The following AGAP3 variants were observed in gnomAD, a reference collection of about 807,000 sequenced individuals.
The protein encoded by AGAP3 is arf-GAP with GTPase, ANK repeat and PH domain-containing protein 3.
AGAP3 carries 24 observed loss-of-function variants against 96.9 expected under a neutral mutation model. That is an observed-to-expected ratio of 0.25 (90% CI 0.18 to 0.35). The LOEUF (loss-of-function observed/expected upper bound fraction) is 0.35, where lower values mean the gene tolerates loss of function less well. Ranked by LOEUF, AGAP3 falls within the 10% of genes least tolerant of loss-of-function variation. The probability of loss-of-function intolerance (pLI) is 1.00; values close to 1 mark genes in which losing one functional copy is unlikely to be tolerated. For missense variants in AGAP3, 876 were observed against 1,254.2 expected (o/e 0.70, Z 4.55); for synonymous variants, 563 against 536.1 (o/e 1.05, Z -0.69).
rs999396125 is a variant in AGAP3, at chr7:151,139,035, G to T, written c.1666+722G>T. ...CTTGTTACTTTCATCATTGACCACA[G>T]ATCTGAAGTTCTGAAGGCTCAAAAG... On this transcript the variant is annotated intron_variant, in intron 12 of 17. Coordinates refer to ENST00000397238, the MANE Select transcript of AGAP3 (RefSeq NM_031946.7). The surrounding 1 kb of genome is among the most constrained non-coding windows in gnomAD (Gnocchi z 4.9). Among the ~76,000 whole-genome samples, 2 of 152,166 alleles carry T rather than the reference G, an allele frequency of 1.3e-5. No homozygotes were observed. The highest frequency in any genetic ancestry group is 4.8e-5 in the African/African-American group (2 of 41,438).
intron 1 of AGAP3, among the ~76,000 whole-genome samples, chr7:151,095,006 C>T (rs1798542730): frequency 6.6e-6 from 1 of 152,048 alleles, no homozygotes; most frequent in South Asian, 2.1e-4. Context: ...TCTTGAGTAG[C>T]TGGGACTCAG....
At chr7:151,111,266 G>A (rs1487993235) in intron 1 of AGAP3, among the ~76,000 whole-genome samples, 3 of 152,230 alleles carry the variant, frequency 2.0e-5, no homozygotes, top group African/African-American at 7.2e-5. Context: ...GACTGTTTGG[G>A]AGGGCCACGG....
At chr7:151,099,532 T>A (rs966092764) in intron 1 of AGAP3, among the ~76,000 whole-genome samples, 1 of 152,342 alleles carries the variant, frequency 6.6e-6, no homozygotes, top group African/African-American at 2.4e-5. Context: ...TTGTTGTGTG[T>A]GGTGGGTGAC....
rs776635358 is a variant in AGAP3, at chr7:151,118,330, G to A, written c.827G>A (p.Arg276His). 5.6e-6 allele frequency: 9 copies of A among 1,611,706 alleles called. No individual in the cohort carries two copies. The highest frequency in any genetic ancestry group is 1.7e-4 in the Middle Eastern group (1 of 6,054). ...TCATYGLNVERVFQDVAQKVV... is the reference protein window; with the variant it reads ...TCATYGLNVEHVFQDVAQKVV... ...GCGACCTACGGGCTCAATGTGGAGC[G>A]TGTCTTCCAGGACGGTAACTCGGGT... The change falls in exon 6 of 18, where the codon CGT becomes CAT. Residue 276 changes from arginine (R) to histidine (H), a missense_variant. Physicochemically the swap from Arg to His is conservative, Grantham distance 29. This residue lies in a region of AGAP3 where 131 missense variants were observed against 304.5 expected (regional missense o/e 0.43). Coordinates refer to ENST00000397238, the MANE Select transcript of AGAP3 (RefSeq NM_031946.7). The surrounding 1 kb of genome is among the most constrained non-coding windows in gnomAD (Gnocchi z 6.1).
chr7:151,142,485 G>A lies in AGAP3; in HGVS notation c.2124G>A (p.Gly708=), dbSNP rs1405496198. 6.2e-7 allele frequency: 1 copy of A among 1,613,936 alleles called. No individual in the cohort carries two copies. The highest frequency in any genetic ancestry group is 1.1e-5 in the South Asian group (1 of 91,084). Residue 708 remains glycine, a synonymous_variant, in exon 16 of 18, where the codon GGG becomes GGA. Coordinates refer to ENST00000397238, the MANE Select transcript of AGAP3 (RefSeq NM_031946.7). The surrounding 1 kb of genome is among the most constrained non-coding windows in gnomAD (Gnocchi z 7.5). ...GCTCAGGCATCCACCGACACCTGGG[G>A]GCTCACCTGTCCCGGGTGCGCTCCC... is the stretch of plus-strand genomic sequence containing the variant. The part of the protein sequence containing the change: ...IECSGIHRHL[G]AHLSRVRSLD...
intron 5 of AGAP3, 68 bp downstream of exon 5, chr7:151,117,845 G>T: frequency 1.3e-6 from 2 of 1,520,320 alleles, no homozygotes; most frequent in East Asian, 4.6e-5. Flanking sequence ...TGGGGGCAGG[G>T]GTGGGCAGGT....
chr7:151,099,205 T>C (rs994816626), intron 1 of AGAP3, among the ~76,000 whole-genome samples: 1 of 151,450 alleles, frequency 6.6e-6, no homozygotes, highest in Non-Finnish European at 1.5e-5. Flanking sequence ...TAGCCGGGCA[T>C]GGTGGCGGGC....
At chr7:151,122,922 G>C in intron 8 of AGAP3, 1 of 1,467,704 alleles carries the variant, frequency 6.8e-7, no homozygotes, top group East Asian at 2.5e-5. Context: ...GGGAACCTTT[G>C]TAACTAACCC....
intron 8 of AGAP3, among the ~76,000 whole-genome samples, chr7:151,121,913 G>A (rs1585084611): frequency 6.6e-6 from 1 of 152,182 alleles, no homozygotes; most frequent in African/African-American, 2.4e-5. Flanking sequence ...GCTCGAGGGC[G>A]AGCCCCTGTG....
chr7:151,097,285 C>G (rs1486759663), intron 1 of AGAP3, among the ~76,000 whole-genome samples: 4 of 151,640 alleles, frequency 2.6e-5, no homozygotes, highest in Admixed American at 2.6e-4. Context: ...AATCCCAGCA[C>G]TTTGGGAAGC....
At chr7:151,104,445 G>T (rs1243303021) in intron 1 of AGAP3, among the ~76,000 whole-genome samples, 1 of 152,168 alleles carries the variant, frequency 6.6e-6, no homozygotes, top group African/African-American at 2.4e-5. Context: ...TTAAGAAAAC[G>T]ATTTGAAAAA....
chr7:151,127,990 T>C (rs1334411431), intron 9 of AGAP3, among the ~76,000 whole-genome samples: 1 of 152,222 alleles, frequency 6.6e-6, no homozygotes, highest in East Asian at 1.9e-4. Context: ...CGAGTCTCAC[T>C]GGCTTACGCG....
At position 151,114,312 on chromosome 7, in the gene AGAP3, G is replaced by A. The variant is rs1799431496; in HGVS notation, c.332-2481G>A. Among the ~76,000 whole-genome samples, 1 of 152,240 alleles carries A rather than the reference G, an allele frequency of 6.6e-6. No individual in the cohort carries two copies. Among genetic ancestry groups the A allele is most frequent in the Non-Finnish European group, 1.5e-5 (1 of 68,038 alleles). ...GGCTTGTCATACTTCTGGGCCTCAT[G>A]TTCTTGGCTCTTCTGGCTCTTCCTT... is the stretch of plus-strand genomic sequence containing the variant. On this transcript the variant is annotated intron_variant, in intron 1 of 17. Coordinates refer to ENST00000397238, the MANE Select transcript of AGAP3 (RefSeq NM_031946.7). This position sits in a 1 kb window ranked among gnomAD's most constrained non-coding sequence, Gnocchi z 4.4.
intron 8 of AGAP3, chr7:151,122,633 G>A: frequency 1.3e-6 from 2 of 1,499,796 alleles, no homozygotes; most frequent in South Asian, 2.4e-5. Flanking sequence ...CCGCTCCCCA[G>A]GCGCCTGGGT....
At position 151,118,204 on chromosome 7, in the gene AGAP3, C is replaced by T. The variant is rs766160556; in HGVS notation, c.707-6C>T. The stretch of plus-strand genomic sequence containing the variant: ...TGAATGACTCCCGCCCTCCCACCTC[C>T]AACAGATGCCATCAGCGCTGCGAAT... On this transcript the variant is annotated splice_polypyrimidine_tract_variant and splice_region_variant and intron_variant, in intron 5 of 17. Coordinates refer to ENST00000397238, the MANE Select transcript of AGAP3 (RefSeq NM_031946.7). This position sits in a 1 kb window ranked among gnomAD's most constrained non-coding sequence, Gnocchi z 6.1. 5 of 1,604,090 alleles carry T rather than the reference C, an allele frequency of 3.1e-6. No individual in the cohort carries two copies. Among genetic ancestry groups the T allele is most frequent in the Non-Finnish European group, 1.7e-6 (2 of 1,172,926 alleles).
At chr7:151,127,536 C>T (rs1194389064) in intron 9 of AGAP3, among the ~76,000 whole-genome samples, 1 of 152,206 alleles carries the variant, frequency 6.6e-6, no homozygotes, top group African/African-American at 2.4e-5. Context: ...ACTGCCTCTT[C>T]TCAGCCCTCT....
intron 1 of AGAP3, among the ~76,000 whole-genome samples, chr7:151,103,919 T>C (rs1798933041): frequency 6.6e-6 from 1 of 152,216 alleles, no homozygotes; most frequent in African/African-American, 2.4e-5. Flanking sequence ...CCTTTCTCCC[T>C]TGTGGGGTCT....
At chr7:151,110,307 G>A (rs1268173398) in intron 1 of AGAP3, among the ~76,000 whole-genome samples, 1 of 152,224 alleles carries the variant, frequency 6.6e-6, no homozygotes, top group Non-Finnish European at 1.5e-5. Context: ...GGCACTTGCT[G>A]ACAGTGGCAA....
intron 8 of AGAP3, chr7:151,123,461 C>G (rs1800014031): frequency 8.6e-7 from 1 of 1,164,626 alleles, no homozygotes. Flanking sequence ...CCTGTGCTCC[C>G]GACCAGCAGC....
Sources: allele counts gnomAD v4.1 joint callset (sites outside exome capture counted in the v4.1 genomes callset), GRCh38; gene constraint gnomAD v4.1.1; regional missense constraint gnomAD v4.1.1; non-coding constraint Gnocchi (gnomAD v3.1); transcripts MANE v1.5; gene names NCBI Gene and HGNC (gene_info 2026-07-23, HGNC 2026-07-21).